Variants in CDON observed in about 807,000 individuals in gnomAD.
The protein encoded by CDON is cell adhesion associated, oncogene regulated, also known as cell adhesion molecule-related/down-regulated by oncogenes.
Under a neutral mutation model 120.9 loss-of-function variants are expected in CDON, and 73 were observed. That is an observed-to-expected ratio of 0.60 (90% CI 0.50 to 0.73). CDON has a LOEUF of 0.73. CDON is among the 30% of genes least tolerant of loss of function. The probability of loss-of-function intolerance (pLI) is 0.00; values close to 1 mark genes in which losing one functional copy is unlikely to be tolerated. For missense variants in CDON, 1,470 were observed against 1,587.3 expected (o/e 0.93, Z 1.26); for synonymous variants, 566 against 573.5 (o/e 0.99, Z 0.19).
intron 6 of CDON, among the ~76,000 whole-genome samples, chr11:126,016,488 G>A (rs1240382947): frequency 6.6e-6 from 1 of 151,946 alleles, no homozygotes; most frequent in African/African-American, 2.4e-5. Flanking sequence ...ACTGGAGTGC[G>A]GTGGCGTGAT....
At chr11:126,062,971 G>A (rs1045350842), upstream of CDON, among the ~76,000 whole-genome samples, 38 of 151,880 alleles carry the variant, frequency 2.5e-4, no homozygotes, top group African/African-American at 8.2e-4. Context: ...CGGGAGGAGG[G>A]ACCGGGGAAT....
At chr11:126,018,003 G>A (rs1468537090) in intron 5 of CDON, among the ~76,000 whole-genome samples, 2 of 151,970 alleles carry the variant, frequency 1.3e-5, no homozygotes, top group Non-Finnish European at 2.9e-5. Context: ...ACGTTCAAGC[G>A]ATTCTACTGC....
At chr11:126,010,266 CAT>C in intron 8 of CDON, 73 bp downstream of exon 8, 1 of 1,029,780 alleles carries the variant, frequency 9.7e-7, no homozygotes, top group South Asian at 1.4e-5. Context: ...ATTAAAATAA[CAT>C]ATTTCAAATC....
At chr11:126,027,609 G>C (rs58872127) in intron 1 of CDON, among the ~76,000 whole-genome samples, 5,752 of 152,218 alleles carry the variant, frequency 0.038, 343 homozygotes, top group African/African-American at 0.13. Context: ...TAACTAAACA[G>C]GTTTCTGCCA....
In CDON at chr11:126,034,589, T is replaced by C. The variant is rs1948042876; in HGVS notation, c.-61-11052A>G. On this transcript the variant is annotated intron_variant, in intron 1 of 19. Coordinates refer to ENST00000531738, the MANE Select transcript of CDON (RefSeq NM_001378964.1). The surrounding 1 kb of genome is among the most constrained non-coding windows in gnomAD (Gnocchi z 4.5). The stretch of plus-strand genomic sequence containing the variant: ...TCCACTCTCTTTCTAAGAGACTATT[T>C]CTTCCTGCCACTAGAGCACAGGAAG... Among the ~76,000 whole-genome samples, 1 of 152,172 alleles carries C rather than the reference T, an allele frequency of 6.6e-6. No homozygotes were observed. Among genetic ancestry groups the C allele is most frequent in the South Asian group, 2.1e-4 (1 of 4,828 alleles).
Position 126,045,970 on chromosome 11 carries a change from T to TA in CDON, c.-62+16608dup, listed in dbSNP as rs1338747675. ...GGGCAACAAGAGCGAAACTCCGTCC[T>TA]AAAAAAAAAACAAAAACAAAAAAAA... On this transcript the variant is annotated intron_variant, in intron 1 of 19. Coordinates refer to ENST00000531738, the MANE Select transcript of CDON (RefSeq NM_001378964.1). 1.7e-3 allele frequency among the ~76,000 whole-genome samples: 249 copies of TA among 144,692 alleles called. 3 individuals carry two copies. The highest frequency in any genetic ancestry group is 2.4e-3 in the Non-Finnish European group (155 of 65,778). The allele number at this position is 144,692 out of a possible 152,430, so 94.9% of individuals were successfully genotyped here.
intron 3 of CDON, among the ~76,000 whole-genome samples, chr11:126,020,238 T>C (rs1316687516): frequency 6.6e-6 from 1 of 152,090 alleles, no homozygotes; most frequent in East Asian, 1.9e-4. Flanking sequence ...TAAATCCTTT[T>C]CAATCCAGTG....
At chr11:126,011,015 G>A (rs1180450048) in intron 7 of CDON, 3 of 423,708 alleles carry the variant, frequency 7.1e-6, no homozygotes, top group African/African-American at 4.1e-5. Flanking sequence ...AACATATAAG[G>A]TTGAAACCTC....
intron 1 of CDON, among the ~76,000 whole-genome samples, chr11:126,046,410 T>C (rs1310876971): frequency 6.6e-6 from 1 of 152,224 alleles, no homozygotes; most frequent in African/African-American, 2.4e-5. Context: ...ATTACTGTGC[T>C]GCTCTGAAGA....
At chr11:126,036,252 T>C (rs1381605565) in intron 1 of CDON, among the ~76,000 whole-genome samples, 4 of 152,216 alleles carry the variant, frequency 2.6e-5, no homozygotes, top group African/African-American at 7.2e-5. Flanking sequence ...TAAACACATA[T>C]AGTCTTAACT....
At chr11:125,982,629 T>C (rs1220492382) in intron 16 of CDON, among the ~76,000 whole-genome samples, 1 of 152,210 alleles carries the variant, frequency 6.6e-6, no homozygotes, top group East Asian at 1.9e-4. Context: ...GTGCCTGGTA[T>C]ACAGAAGACG....
In CDON at chr11:125,958,731, G is replaced by C. The variant is rs1459748871; in HGVS notation, c.*2211C>G. ...ACAATGAGATTGTCCTAAAGGTAAAGCCATTTTCTCTTCCTCGTGGACAGA... is the reference window on the plus strand; with the variant it reads ...ACAATGAGATTGTCCTAAAGGTAAACCCATTTTCTCTTCCTCGTGGACAGA... On this transcript the variant is annotated 3_prime_UTR_variant, in exon 20 of 20. Transcript: ENST00000531738. The C allele has an allele frequency of 2.0e-5, 3 of 152,400 alleles. No individual in the cohort carries two copies. The highest frequency in any genetic ancestry group is 4.4e-5 in the Non-Finnish European group (3 of 68,018). The allele number at this position is 152,400 out of a possible 1,614,324, so 9.4% of individuals were successfully genotyped here.
At chr11:125,991,471 T>G (rs997582481) in intron 14 of CDON, among the ~76,000 whole-genome samples, 10 of 152,184 alleles carry the variant, frequency 6.6e-5, no homozygotes, top group Non-Finnish European at 1.2e-4. Flanking sequence ...CTTTAGAAGA[T>G]AAAAATATTC....
In CDON at chr11:125,994,388, T is replaced by C. The variant is rs752311033; in HGVS notation, c.2546A>G (p.Tyr849Cys). The change falls in exon 14 of 20, where the codon TAC (tyrosine) becomes TGC (cysteine). Residue 849 changes from tyrosine (Y) to cysteine (C), a missense_variant and splice_region_variant. Transcript: ENST00000531738. ...SDTQIMLKWT[Y>C]IPSSNNNTPI... ...AGTGTTATTGTTACTTGATGGAATG[T>C]ACTAAAAAACAGAAGCAAAGACTTG... 1 of 1,503,792 alleles carries C rather than the reference T, an allele frequency of 6.6e-7. No individual in the cohort carries two copies. The highest frequency in any genetic ancestry group is 9.3e-7 in the Non-Finnish European group (1 of 1,079,538). 93.2% of individuals were successfully genotyped at this position (1,503,792 alleles called of 1,614,324 possible). A position where few individuals can be genotyped will look rare whatever the true frequency, so the allele number is the denominator to read the frequency against.
At chr11:126,005,063 G>C (rs1044175600) in intron 9 of CDON, among the ~76,000 whole-genome samples, 1 of 152,176 alleles carries the variant, frequency 6.6e-6, no homozygotes, top group African/African-American at 2.4e-5. Context: ...CACTTTGGGA[G>C]GATTAGGTGG....
intron 11 of CDON, among the ~76,000 whole-genome samples, chr11:126,000,592 G>C (rs927007682): frequency 6.7e-6 from 1 of 149,476 alleles, no homozygotes; most frequent in African/African-American, 2.5e-5. Context: ...ATCTGCCAGA[G>C]GGTGTATAAA....
intron 1 of CDON, among the ~76,000 whole-genome samples, chr11:126,055,646 G>C (rs1442521165): frequency 6.6e-6 from 1 of 152,164 alleles, no homozygotes; most frequent in Admixed American, 6.5e-5. Context: ...AAAAGTTGCA[G>C]TGGAGGAGGG....
At chr11:126,055,622 T>C (rs1459062395) in intron 1 of CDON, among the ~76,000 whole-genome samples, 1 of 152,196 alleles carries the variant, frequency 6.6e-6, no homozygotes, top group African/African-American at 2.4e-5. Context: ...ATCTCTCTTG[T>C]AACTCAAGTT....
At chr11:126,011,327 G>A (rs1346670346) in intron 7 of CDON, among the ~76,000 whole-genome samples, 2 of 152,160 alleles carry the variant, frequency 1.3e-5, no homozygotes, top group African/African-American at 4.8e-5. Context: ...CAAAGTAAAT[G>A]ACATTTTCTC....
Sources: allele counts gnomAD v4.1 joint callset (sites outside exome capture counted in the v4.1 genomes callset), GRCh38; gene constraint gnomAD v4.1.1; non-coding constraint Gnocchi (gnomAD v3.1); transcripts MANE v1.5; gene names NCBI Gene and HGNC (gene_info 2026-07-23, HGNC 2026-07-21).